GPC5: variants seen among roughly 807,000 people sequenced by gnomAD.
GPC5 encodes glypican 5, also known as glypican-5.
A neutral mutation model predicts 53.9 loss-of-function variants in GPC5; 47 were observed. The observed-to-expected ratio is 0.87, with a 90% CI of 0.69 to 1.11. The LOEUF is 1.11. Ranked by LOEUF, GPC5 falls within the 50% of genes most tolerant of loss-of-function variation. The pLI is 0.00. For missense variants in GPC5, 748 were observed against 713.1 expected (o/e 1.05, Z -0.56); for synonymous variants, 286 against 263.3 (o/e 1.09, Z -0.84).
At chr13:91,507,999 C>T (rs1054239378) in intron 2 of GPC5, among the ~76,000 whole-genome samples, 1 of 152,060 alleles carries the variant, frequency 6.6e-6, no homozygotes, top group Non-Finnish European at 1.5e-5. Flanking sequence ...AGAAAGCAAA[C>T]TCCTTAGAAA....
In GPC5 at chr13:92,866,486, C is replaced by T. The variant is rs752584891; in HGVS notation, c.*47C>T. The stretch of plus-strand genomic sequence containing the variant: ...TACCTTACTGAAGTCTCGATTTCTT[C>T]TCTCTCTGCATATGCCTGGAATAAG... On this transcript the variant is annotated 3_prime_UTR_variant, in exon 8 of 8. Transcript: ENST00000377067. The T allele has an allele frequency of 2.8e-6, 4 of 1,451,734 alleles. No homozygotes were observed. Among genetic ancestry groups the T allele is most frequent in the Non-Finnish European group, 3.7e-6 (4 of 1,072,414 alleles). The allele number at this position is 1,451,734 out of a possible 1,614,324, so 89.9% of individuals were successfully genotyped here. A position where few individuals can be genotyped will look rare whatever the true frequency, so the allele number is the denominator to read the frequency against.
In GPC5 at chr13:92,093,403, T is replaced by A. The variant is rs1254696007; in HGVS notation, c.1402-51427T>A. On this transcript the variant is annotated intron_variant, in intron 6 of 7. Transcript: ENST00000377067. ...TTGTATCTTTTATGTTACATATATATGTATAGATGTGCAAGTATATGTATA... is the reference window on the plus strand; with the variant it reads ...TTGTATCTTTTATGTTACATATATAAGTATAGATGTGCAAGTATATGTATA... Among the ~76,000 whole-genome samples the A allele has an allele frequency of 2.6e-5, 4 of 152,132 alleles. No homozygotes were observed. The East Asian group carries it at 7.7e-4, about 29-fold the overall frequency.
chr13:92,264,607 A>G (rs772515942), intron 7 of GPC5, among the ~76,000 whole-genome samples: 1 of 152,122 alleles, frequency 6.6e-6, no homozygotes, highest in African/African-American at 2.4e-5. Flanking sequence ...CTTACAGTCA[A>G]GACCCTCCAC....
chr13:92,453,650 T>C (rs1878153110), intron 7 of GPC5, among the ~76,000 whole-genome samples: 1 of 152,180 alleles, frequency 6.6e-6, no homozygotes, highest in Non-Finnish European at 1.5e-5. Context: ...GCAGCGCTAA[T>C]GAAATCAGAC....
chr13:91,820,603 C>G (rs557454831), intron 5 of GPC5, among the ~76,000 whole-genome samples: 1 of 152,258 alleles, frequency 6.6e-6, no homozygotes, highest in East Asian at 1.9e-4. Context: ...GTGCTACTAC[C>G]ATAGTTTGCT....
At chr13:92,703,918 A>T (rs1279313286) in intron 7 of GPC5, among the ~76,000 whole-genome samples, 1 of 151,990 alleles carries the variant, frequency 6.6e-6, no homozygotes, top group South Asian at 2.1e-4. Flanking sequence ...AGCTTTAGAG[A>T]TCCTAGTTTA....
At chr13:91,585,893 A>G (rs1263608220) in intron 2 of GPC5, among the ~76,000 whole-genome samples, 1 of 152,160 alleles carries the variant, frequency 6.6e-6, no homozygotes, top group Non-Finnish European at 1.5e-5. Flanking sequence ...GAAAAAAGAA[A>G]AAACAAGAAA....
At chr13:91,786,945 C>CTT (rs34996570) in intron 5 of GPC5, among the ~76,000 whole-genome samples, 3,871 of 142,792 alleles carry the variant, frequency 0.027, 89 homozygotes, top group Middle Eastern at 0.066. Flanking sequence ...AAGTGTTTCT[C>CTT]TTTTTTTTTT....
At chr13:92,542,948 C>A (rs1473037801) in intron 7 of GPC5, among the ~76,000 whole-genome samples, 1 of 151,754 alleles carries the variant, frequency 6.6e-6, no homozygotes, top group Non-Finnish European at 1.5e-5. Context: ...TATATTATGC[C>A]CCAGATAAGA....
intron 6 of GPC5, among the ~76,000 whole-genome samples, chr13:91,947,691 A>C (rs74412345): frequency 0.029 from 3,229 of 109,810 alleles, 103 homozygotes; most frequent in African/African-American, 0.082. Flanking sequence ...TCTTTTGAAG[A>C]ATTAAAGTTA....
At chr13:91,745,235 T>G (rs1209197724) in intron 4 of GPC5, among the ~76,000 whole-genome samples, 4 of 152,110 alleles carry the variant, frequency 2.6e-5, no homozygotes, top group Non-Finnish European at 5.9e-5. Flanking sequence ...TAGAGGAGGA[T>G]GCTTTCAGAA....
chr13:91,901,617 G>T (rs1195303303), intron 5 of GPC5, among the ~76,000 whole-genome samples: 2 of 152,006 alleles, frequency 1.3e-5, no homozygotes, highest in African/African-American at 2.4e-5. Flanking sequence ...TCTAGTCCTT[G>T]CTTTCACATT....
Position 92,613,330 on chromosome 13 carries a change from A to AATATAATATATTTATATATAAAT in GPC5, c.1562-252924_1562-252902dup, listed in dbSNP as rs1254670360. On this transcript the variant is annotated intron_variant, in intron 7 of 7. Coordinates refer to ENST00000377067, the MANE Select transcript of GPC5 (RefSeq NM_004466.6). Reference sequence around the variant, plus strand: ...TAATGTATATAATAAATATTTATATAATATAATATATTTATATATAAATAT... The same window carrying AATATAATATATTTATATATAAAT: ...TAATGTATATAATAAATATTTATATAATATAATATATTTATATATAAATATATAATATATTTATATATAAATAT... Among the ~76,000 whole-genome samples, 104 of 99,192 alleles carry AATATAATATATTTATATATAAAT rather than the reference A, an allele frequency of 1.0e-3. 2 individuals are homozygous for AATATAATATATTTATATATAAAT. Among genetic ancestry groups the AATATAATATATTTATATATAAAT allele is most frequent in the Middle Eastern group, 4.9e-3 (1 of 206 alleles). The allele number at this position is 99,192 out of a possible 152,430, so 65.1% of individuals were successfully genotyped here.
chr13:91,679,659 A>C (rs2035462524), intron 2 of GPC5, among the ~76,000 whole-genome samples: 1 of 152,234 alleles, frequency 6.6e-6, no homozygotes, highest in Non-Finnish European at 1.5e-5. Context: ...GTGGCATCAA[A>C]CTGTACTTTT....
At chr13:91,770,363 A>G (rs1036159942) in intron 5 of GPC5, among the ~76,000 whole-genome samples, 5 of 152,112 alleles carry the variant, frequency 3.3e-5, no homozygotes, top group Non-Finnish European at 7.4e-5. Context: ...TCCATCATCA[A>G]CTGATTAACT....
chr13:91,705,524 C>T (rs1023681779), intron 3 of GPC5, among the ~76,000 whole-genome samples: 15 of 152,102 alleles, frequency 9.9e-5, no homozygotes, highest in African/African-American at 3.6e-4. Context: ...TATGGATAGT[C>T]TGATTTAGAG....
intron 7 of GPC5, among the ~76,000 whole-genome samples, chr13:92,561,595 CATAA>C (rs1376261899): frequency 2.0e-5 from 3 of 151,992 alleles, no homozygotes; most frequent in South Asian, 4.1e-4. Flanking sequence ...GTTACATGGT[CATAA>C]ATAGAGAAAT....
At chr13:91,496,708 T>C (rs1326630792) in intron 2 of GPC5, among the ~76,000 whole-genome samples, 1 of 152,010 alleles carries the variant, frequency 6.6e-6, no homozygotes, top group Non-Finnish European at 1.5e-5. Context: ...ATGAATAAGA[T>C]CTAGTGTTTG....
intron 2 of GPC5, among the ~76,000 whole-genome samples, chr13:91,458,942 A>C (rs1881739420): frequency 1.3e-5 from 2 of 152,142 alleles, no homozygotes; most frequent in African/African-American, 4.8e-5. Context: ...CATTTTTCTA[A>C]GTAAAGTAAC....
Sources: gnomAD v4.1 joint callset for allele counts (sites outside exome capture counted in the v4.1 genomes callset) on GRCh38, gnomAD v4.1.1 for gene constraint, MANE v1.5 for transcripts, NCBI Gene and HGNC (gene_info 2026-07-23, HGNC 2026-07-21) for gene names.